ZNF341: variants seen among roughly 807,000 people sequenced by gnomAD.
ZNF341 encodes zinc finger protein 341.
ZNF341 carries 52 observed loss-of-function variants against 87.7 expected under a neutral mutation model. That is an observed-to-expected ratio of 0.59 (90% CI 0.47 to 0.75). The LOEUF (loss-of-function observed/expected upper bound fraction) is 0.75. Ranked by LOEUF, ZNF341 falls within the 30% of genes least tolerant of loss-of-function variation. ZNF341 has a pLI of 0.00. For missense variants in ZNF341, 977 were observed against 1,145.9 expected (o/e 0.85, Z 2.13); for synonymous variants, 459 against 472.7 (o/e 0.97, Z 0.38).
rs530337730 is a variant in ZNF341, at chr20:33,770,619, G to A, written c.1622+327G>A. On this transcript the variant is annotated intron_variant, in intron 10 of 14. Coordinates refer to ENST00000375200, the MANE Select transcript of ZNF341 (RefSeq NM_001282933.2). ...TATTCCAAACTAAACAATTATGACAGTATTATTTTGTCTCATAATCTACAA... is the reference window on the plus strand; with the variant it reads ...TATTCCAAACTAAACAATTATGACAATATTATTTTGTCTCATAATCTACAA... 1.1e-4 allele frequency among the ~76,000 whole-genome samples: 16 copies of A among 152,278 alleles called. 1 individual carries two copies. The highest frequency in any genetic ancestry group is 3.9e-4 in the African/African-American group (16 of 41,554).
At position 33,783,717 on chromosome 20, in the gene ZNF341, C is replaced by G; in HGVS notation, c.1720-15C>G. 1 of 1,613,684 alleles carries G rather than the reference C, an allele frequency of 6.2e-7. No homozygotes were observed. Among genetic ancestry groups the G allele is most frequent in the Non-Finnish European group, 8.5e-7 (1 of 1,179,846 alleles). ...GCCCGGTGAGTCAGACCTGAAGGCCCCTCTTCTCTCCCAGGTGTTTCCTTG... is the reference window on the plus strand; with the variant it reads ...GCCCGGTGAGTCAGACCTGAAGGCCGCTCTTCTCTCCCAGGTGTTTCCTTG... On this transcript the variant is annotated splice_polypyrimidine_tract_variant and intron_variant, in intron 11 of 14. Transcript: ENST00000375200.
chr20:33,754,546 AC>A (rs2019134258), intron 5 of ZNF341, among the ~76,000 whole-genome samples: 1 of 152,170 alleles, frequency 6.6e-6, no homozygotes, highest in African/African-American at 2.4e-5. Flanking sequence ...GATTTGCCCT[AC>A]CCTGGGAGAA....
intron 1 of ZNF341, among the ~76,000 whole-genome samples, chr20:33,738,574 G>A (rs1402901763): frequency 6.6e-6 from 1 of 152,190 alleles, no homozygotes; most frequent in African/African-American, 2.4e-5. Context: ...TAGGTCAGGT[G>A]TCTTTCACTG....
intron 5 of ZNF341, among the ~76,000 whole-genome samples, chr20:33,756,528 GA>G (rs2019183123): frequency 1.3e-5 from 2 of 151,918 alleles, no homozygotes; most frequent in African/African-American, 4.8e-5. Context: ...CACCATGCCT[GA>G]CTTAATTTTT....
chr20:33,742,208 T>G (rs972582307), intron 2 of ZNF341, among the ~76,000 whole-genome samples: 1 of 152,198 alleles, frequency 6.6e-6, no homozygotes, highest in African/African-American at 2.4e-5. Flanking sequence ...CGTTTTGTTT[T>G]GTTTTTGAGA....
At chr20:33,739,413 A>C (rs1428790584) in intron 1 of ZNF341, among the ~76,000 whole-genome samples, 1 of 152,216 alleles carries the variant, frequency 6.6e-6, no homozygotes, top group Admixed American at 6.5e-5. Flanking sequence ...GGAGTGGCAC[A>C]GTGTGCCTTG....
chr20:33,748,282 G>A (rs2018978134), intron 3 of ZNF341, among the ~76,000 whole-genome samples: 1 of 151,852 alleles, frequency 6.6e-6, no homozygotes, highest in Non-Finnish European at 1.5e-5. Context: ...ACGTTGGCCA[G>A]GATGGTCTCG....
intron 8 of ZNF341, among the ~76,000 whole-genome samples, chr20:33,766,568 C>G (rs2019410622): frequency 1.3e-5 from 2 of 152,084 alleles, no homozygotes; most frequent in Non-Finnish European, 2.9e-5. Flanking sequence ...GAATTTTTAA[C>G]AACCATGGAG....
chr20:33,736,024 C>T (rs1347083827), intron 1 of ZNF341, among the ~76,000 whole-genome samples: 2 of 150,478 alleles, frequency 1.3e-5, no homozygotes, highest in African/African-American at 4.9e-5. Context: ...CTTTTTATTG[C>T]TTAGTAGTAT....
chr20:33,736,975 G>A (rs1034536465), intron 1 of ZNF341, among the ~76,000 whole-genome samples: 2 of 152,174 alleles, frequency 1.3e-5, no homozygotes, highest in Non-Finnish European at 2.9e-5. Flanking sequence ...GAAACACTTA[G>A]GGGGTGGCCA....
rs1255914140 is a variant in ZNF341, at chr20:33,732,033, G to C, written c.12G>C (p.Ala4=). 1.4e-6 allele frequency: 2 copies of C among 1,409,158 alleles called. No homozygotes were observed. The highest frequency in any genetic ancestry group is 2.9e-5 in the South Asian group (2 of 68,490). The allele number at this position is 1,409,158 out of a possible 1,614,324, so 87.3% of individuals were successfully genotyped here. MAQ[A]IFEALEGMDN... is the part of the protein sequence containing the mutation. ...GCGGCGGCTCCAAGATGGCGCAGGC[G>C]ATCTTTGAGGCCCTGGAGGGTGAGC... is the stretch of plus-strand genomic sequence containing the variant. The change falls in exon 1 of 15, where the codon GCG becomes GCC. Residue 4 remains alanine (A), a synonymous_variant. Coordinates refer to ENST00000375200, the MANE Select transcript of ZNF341 (RefSeq NM_001282933.2). The surrounding 1 kb of genome is among the most constrained non-coding windows in gnomAD (Gnocchi z 4.5).
In ZNF341 at chr20:33,761,823, G is replaced by A. The variant is rs199811944; in HGVS notation, c.1029-39G>A. On this transcript the variant is annotated intron_variant, in intron 7 of 14. Coordinates refer to ENST00000375200, the MANE Select transcript of ZNF341 (RefSeq NM_001282933.2). Reference sequence around the variant, plus strand: ...GCTCCTGGGCTGAGGCCTCGTCCCCGTTCCTGCAGGAGGGCACTGACAAGC... The same window carrying A: ...GCTCCTGGGCTGAGGCCTCGTCCCCATTCCTGCAGGAGGGCACTGACAAGC... 1,608 of 1,416,630 alleles carry A rather than the reference G, an allele frequency of 1.1e-3. 2 individuals carry two copies. Among genetic ancestry groups the A allele is most frequent in the Non-Finnish European group, 1.4e-3 (1,454 of 1,064,418 alleles). 87.8% of individuals were successfully genotyped at this position (1,416,630 alleles called of 1,614,324 possible). A position where few individuals can be genotyped will look rare whatever the true frequency, so the allele number is the denominator to read the frequency against.
intron 10 of ZNF341, among the ~76,000 whole-genome samples, chr20:33,777,322 CAAAAA>C (rs71192713): frequency 1.8e-4 from 6 of 32,642 alleles, no homozygotes; most frequent in African/African-American, 9.7e-5. Flanking sequence ...GACCCTATCT[CAAAAA>C]AAAAAAAAAA....
At position 33,744,551 on chromosome 20, in the gene ZNF341, G is replaced by C. The variant is rs151067501; in HGVS notation, c.143-552G>C. On this transcript the variant is annotated intron_variant, in intron 2 of 14. Coordinates refer to ENST00000375200, the MANE Select transcript of ZNF341 (RefSeq NM_001282933.2). ...CTGTTTTTTGATTTCTAATTAATTG[G>C]TACCTGGCCACATATGGCTATCCCT... 2.6e-5 allele frequency among the ~76,000 whole-genome samples: 4 copies of C among 152,042 alleles called. No homozygotes were observed. The East Asian group carries it at 7.8e-4, about 30-fold the overall frequency.
chr20:33,769,690 C>G (rs2019482897), intron 9 of ZNF341, among the ~76,000 whole-genome samples: 1 of 152,154 alleles, frequency 6.6e-6, no homozygotes, highest in East Asian at 1.9e-4. Context: ...GCGGGTGGAT[C>G]ACTTGAGGTC....
At chr20:33,782,420 G>T (rs6120377) in intron 11 of ZNF341, among the ~76,000 whole-genome samples, 1 of 152,178 alleles carries the variant, frequency 6.6e-6, no homozygotes, top group Non-Finnish European at 1.5e-5. Context: ...TCCCTGGTGT[G>T]TTTAACTTGC....
chr20:33,779,544 A>G (rs2019698567), intron 10 of ZNF341, among the ~76,000 whole-genome samples: 1 of 145,874 alleles, frequency 6.9e-6, no homozygotes, highest in Admixed American at 7.2e-5. Flanking sequence ...TGCATCTCCC[A>G]GGTTCAAGTG....
chr20:33,762,581 A>T (rs576620649), intron 8 of ZNF341, among the ~76,000 whole-genome samples: 1 of 151,738 alleles, frequency 6.6e-6, no homozygotes, highest in East Asian at 1.9e-4. Context: ...GGTTTGTTAC[A>T]TAGGTATACG....
At position 33,732,189 on chromosome 20, in the gene ZNF341, A is replaced by AGGGGCGCGGGC; in HGVS notation, c.31+141_31+151dup. 1 of 670,512 alleles carries AGGGGCGCGGGC rather than the reference A, an allele frequency of 1.5e-6. No individual in the cohort carries two copies. Among genetic ancestry groups the AGGGGCGCGGGC allele is most frequent in the Non-Finnish European group, 1.8e-6 (1 of 544,304 alleles). The allele number at this position is 670,512 out of a possible 1,614,324, so 41.5% of individuals were successfully genotyped here. The stretch of plus-strand genomic sequence containing the variant: ...GGGGCTGGAACAGCCGCGGGGCGGG[A>AGGGGCGCGGGC]GGGGCGCGGGCGGGAACAGCGCGGG... On this transcript the variant is annotated intron_variant, in intron 1 of 14. Coordinates refer to ENST00000375200, the MANE Select transcript of ZNF341 (RefSeq NM_001282933.2). The surrounding 1 kb of genome is among the most constrained non-coding windows in gnomAD (Gnocchi z 4.5).
Sources: allele counts gnomAD v4.1 joint callset (sites outside exome capture counted in the v4.1 genomes callset), GRCh38; gene constraint gnomAD v4.1.1; non-coding constraint Gnocchi (gnomAD v3.1); transcripts MANE v1.5; gene names NCBI Gene and HGNC (gene_info 2026-07-23, HGNC 2026-07-21).